Variants in TNFAIP6 observed in about 807,000 individuals in gnomAD.
TNFAIP6 encodes tumor necrosis factor-inducible gene 6 protein.
A neutral mutation model predicts 33.7 loss-of-function variants in TNFAIP6; 36 were observed. The ratio of observed to expected loss-of-function variants is 1.07; its 90% CI spans 0.82 to 1.41. The LOEUF is 1.41. Ranked by LOEUF, TNFAIP6 falls within the 40% of genes most tolerant of loss-of-function variation. The pLI is 0.00. For synonymous variants in TNFAIP6, 113 were observed against 112.8 expected, an observed-to-expected ratio of 1.00 and a Z score of -0.01; for missense variants, 273 against 331.9, an observed-to-expected ratio of 0.82 and a Z score of 1.38.
intron 1 of TNFAIP6, among the ~76,000 whole-genome samples, chr2:151,360,396 G>A (rs1208627433): frequency 2.0e-5 from 3 of 152,162 alleles, no homozygotes; most frequent in African/African-American, 7.2e-5. Flanking sequence ...AGGAAACTGA[G>A]GCTCATCTGG....
Position 151,370,268 on chromosome 2 carries a change from C to T in TNFAIP6, c.623+20C>T. 6.4e-7 allele frequency: 1 copy of T among 1,566,226 alleles called. No homozygotes were observed. Among genetic ancestry groups the T allele is most frequent in the African/African-American group, 1.4e-5 (1 of 73,856 alleles). On this transcript the variant is annotated intron_variant, in intron 4 of 5. Transcript: ENST00000243347. ...GGGAAGGTACGTATGGGTCCCCATA[C>T]AGGAAGTTAAATGAACGTCCAGTAT...
intron 3 of TNFAIP6, among the ~76,000 whole-genome samples, chr2:151,369,462 T>C (rs1260898255): frequency 6.6e-6 from 1 of 152,086 alleles, no homozygotes; most frequent in African/African-American, 2.4e-5. Context: ...GCCATTTTTT[T>C]CTTACTATAT....
At chr2:151,369,934 A>C (rs1313909526) in intron 3 of TNFAIP6, 86 bp from the exon 4 acceptor site, 3 of 996,820 alleles carry the variant, frequency 3.0e-6, no homozygotes, top group Non-Finnish European at 4.5e-6. Flanking sequence ...AAAAAGTAAT[A>C]GATTGCTAAG....
chr2:151,363,743 A>T (rs1027326130), intron 1 of TNFAIP6, among the ~76,000 whole-genome samples, 200 bp from the exon 2 acceptor site: 1 of 152,146 alleles, frequency 6.6e-6, no homozygotes, highest in African/African-American at 2.4e-5. Context: ...TATGGCCCCA[A>T]ATTCCCCTAA....
At chr2:151,376,816 TA>T (rs60191620) in intron 5 of TNFAIP6, among the ~76,000 whole-genome samples, 89 of 150,102 alleles carry the variant, frequency 5.9e-4, no homozygotes, top group East Asian at 2.3e-3. Flanking sequence ...AATTCTACTT[TA>T]AAAAAAAATA....
chr2:151,378,610 C>G (rs1684959811), intron 5 of TNFAIP6, among the ~76,000 whole-genome samples: 1 of 151,806 alleles, frequency 6.6e-6, no homozygotes, highest in South Asian at 2.1e-4. Flanking sequence ...GCCTCAGCCT[C>G]CCGAGGAGCT....
At chr2:151,379,061 C>T (rs1426404757) in intron 5 of TNFAIP6, among the ~76,000 whole-genome samples, 1 of 152,082 alleles carries the variant, frequency 6.6e-6, no homozygotes, top group Non-Finnish European at 1.5e-5. Context: ...GATCGCGCCA[C>T]AGCACTCCAG....
At chr2:151,371,859 T>A (rs191512097) in intron 4 of TNFAIP6, 1 of 152,468 alleles carries the variant, frequency 6.6e-6, no homozygotes, top group Non-Finnish European at 1.5e-5. Context: ...CCTTCTAAAG[T>A]GCTGGGATTA....
At chr2:151,380,764 G>C (rs1685000095), downstream of TNFAIP6, among the ~76,000 whole-genome samples, 1 of 152,156 alleles carries the variant, frequency 6.6e-6, no homozygotes, top group Non-Finnish European at 1.5e-5. Context: ...GTGGCTCTTG[G>C]TTTCTTGGAA....
chr2:151,378,254 T>C (rs142990141), intron 5 of TNFAIP6, among the ~76,000 whole-genome samples: 36 of 152,272 alleles, frequency 2.4e-4, no homozygotes, highest in African/African-American at 6.5e-4. Context: ...AATATTCCTA[T>C]ATTTTATGTT....
intron 5 of TNFAIP6, among the ~76,000 whole-genome samples, chr2:151,376,788 CCT>C (rs1280335596): frequency 3.3e-5 from 5 of 151,336 alleles, no homozygotes; most frequent in African/African-American, 1.2e-4. Flanking sequence ...CATTTTAAAA[CCT>C]CTGTCTTTAC....
intron 5 of TNFAIP6, among the ~76,000 whole-genome samples, chr2:151,377,482 TTTG>T (rs1188355528): frequency 1.0e-5 from 1 of 97,714 alleles, no homozygotes; most frequent in Non-Finnish European, 2.0e-5. Context: ...TTTGTGTTTG[TTTG>T]TTTGTTTGTT....
chr2:151,364,105 C>T (rs368107504), intron 2 of TNFAIP6, 25 bp downstream of exon 2: 243 of 1,610,594 alleles, frequency 1.5e-4, no homozygotes, highest in Non-Finnish European at 1.9e-4. Context: ...AATGATTTTT[C>T]TTCTTTTTTA....
chr2:151,367,787 G>A (rs1389324903), intron 3 of TNFAIP6, among the ~76,000 whole-genome samples: 1 of 151,974 alleles, frequency 6.6e-6, no homozygotes, highest in South Asian at 2.1e-4. Context: ...TTAGGATGTG[G>A]TTAACTTGAA....
chr2:151,367,018 T>A (rs1353030385), intron 3 of TNFAIP6, among the ~76,000 whole-genome samples: 3 of 152,166 alleles, frequency 2.0e-5, no homozygotes, highest in Non-Finnish European at 4.4e-5. Flanking sequence ...TTCCTGGCAT[T>A]TAGGATCATA....
At chr2:151,378,998 G>A (rs1428893705) in intron 5 of TNFAIP6, among the ~76,000 whole-genome samples, 2 of 152,088 alleles carry the variant, frequency 1.3e-5, no homozygotes, top group African/African-American at 4.8e-5. Context: ...TACTCGGGAG[G>A]CTGAGGCAGG....
intron 5 of TNFAIP6, among the ~76,000 whole-genome samples, chr2:151,376,865 C>CTTTTTTTTTTTTTT (rs71403162): frequency 1.8e-3 from 200 of 114,162 alleles, no homozygotes; most frequent in African/African-American, 3.6e-3. Context: ...TTTTTCTTTT[C>CTTTTTTTTTTTTTT]TTTTTTTTTT....
chr2:151,357,912 C>CTTT, intron 1 of TNFAIP6, 152 bp downstream of exon 1: 1 of 364,848 alleles, frequency 2.7e-6, no homozygotes, highest in East Asian at 4.3e-5. Flanking sequence ...AATACATACG[C>CTTT]TTTTTTTTTT....
rs752691313 is a variant in TNFAIP6, at chr2:151,370,075, C to A, written c.450C>A (p.Gly150=). Residue 150 remains glycine, a synonymous_variant, in exon 4 of 6, where the codon GGC becomes GGA. Transcript: ENST00000243347. The part of the protein sequence containing the change: ...TDPKQIFKSP[G]FPNEYEDNQI... ...CAAAGCAAATTTTTAAATCTCCAGGCTTCCCAAATGAGTACGAAGATAACC... is the reference window on the plus strand; with the variant it reads ...CAAAGCAAATTTTTAAATCTCCAGGATTCCCAAATGAGTACGAAGATAACC... 6.2e-6 allele frequency: 10 copies of A among 1,614,064 alleles called. No homozygotes were observed. The highest frequency in any genetic ancestry group is 7.6e-6 in the Non-Finnish European group (9 of 1,180,006).
Sources: gnomAD v4.1 joint callset for allele counts (sites outside exome capture counted in the v4.1 genomes callset) on GRCh38, gnomAD v4.1.1 for gene constraint, MANE v1.5 for transcripts, NCBI Gene and HGNC (gene_info 2026-07-23, HGNC 2026-07-21) for gene names.